Variants in FGF12 observed in about 807,000 individuals in gnomAD.
The protein encoded by FGF12 is fibroblast growth factor 12, also known as fibroblast growth factor 12B.
In FGF12, 14 loss-of-function variants were observed where a neutral mutation model predicts 23.6. The observed-to-expected ratio is 0.59, with a 90% CI of 0.39 to 0.93. The LOEUF (loss-of-function observed/expected upper bound fraction) is 0.93. FGF12 is among the 40% of genes least tolerant of loss of function. The probability of loss-of-function intolerance (pLI) is 0.00; values close to 1 mark genes in which losing one functional copy is unlikely to be tolerated. For missense variants in FGF12, 175 were observed against 217.8 expected (o/e 0.80, Z 1.24); for synonymous variants, 62 against 77.3 (o/e 0.80, Z 1.04).
At chr3:192,567,793 CTTTCTTTCTCTT>C (rs1268577831) in intron 2 of FGF12, among the ~76,000 whole-genome samples, 21 of 129,646 alleles carry the variant, frequency 1.6e-4, no homozygotes, top group African/African-American at 4.2e-4. Context: ...TTCTTTCTTT[CTTTCTTTCTCTT>C]TCTTTCTTTC....
At chr3:192,509,025 G>C (rs1302204099) in intron 2 of FGF12, among the ~76,000 whole-genome samples, 1 of 151,562 alleles carries the variant, frequency 6.6e-6, no homozygotes, top group African/African-American at 2.4e-5. Flanking sequence ...AGTCTCTATT[G>C]CCTGAAACAG....
chr3:192,398,706 T>G lies in FGF12; in HGVS notation c.14-38168A>C, dbSNP rs771588069. Among the ~76,000 whole-genome samples, 104 of 152,256 alleles carry G rather than the reference T, an allele frequency of 6.8e-4. 2 individuals are homozygous for G. Among genetic ancestry groups the G allele is most frequent in the South Asian group, 2.1e-4 (1 of 4,828 alleles). On this transcript the variant is annotated intron_variant, in intron 2 of 5. Coordinates refer to ENST00000445105, the MANE Select transcript of FGF12 (RefSeq NM_004113.6). ...TTCTTATATATAGCTCCCTTGTTTT[T>G]CAAAGACAGAAACTGAGGTCCATTT...
Position 192,216,495 on chromosome 3 carries a change from T to A in FGF12, c.229-45839A>T, listed in dbSNP as rs142784606. On this transcript the variant is annotated intron_variant, in intron 4 of 5. Coordinates refer to ENST00000445105, the MANE Select transcript of FGF12 (RefSeq NM_004113.6). Reference sequence around the variant, plus strand: ...CAAATGAAATACATATCATAAAATTTGTATGTGCTAAAAAACTTGGTTTCC... The same window carrying A: ...CAAATGAAATACATATCATAAAATTAGTATGTGCTAAAAAACTTGGTTTCC... 6.9e-4 allele frequency among the ~76,000 whole-genome samples: 105 copies of A among 152,364 alleles called. No individual in the cohort carries two copies. The East Asian group carries it at 0.015, about 22-fold the overall frequency.
At chr3:192,659,344 G>C (rs1716566080) in intron 2 of FGF12, among the ~76,000 whole-genome samples, 1 of 152,058 alleles carries the variant, frequency 6.6e-6, no homozygotes, top group Non-Finnish European at 1.5e-5. Flanking sequence ...CAGTTTTTCA[G>C]CACCCAGGAG....
chr3:192,390,596 T>C (rs1720248353), intron 2 of FGF12, among the ~76,000 whole-genome samples: 1 of 152,142 alleles, frequency 6.6e-6, no homozygotes, highest in African/African-American at 2.4e-5. Flanking sequence ...GAAGAAAAGG[T>C]TATATGAAAC....
chr3:192,521,728 A>G (rs1724818148), intron 2 of FGF12, among the ~76,000 whole-genome samples: 1 of 152,082 alleles, frequency 6.6e-6, no homozygotes, highest in Admixed American at 6.5e-5. Context: ...CAAAGCAGTC[A>G]CAGCTTCCTC....
chr3:192,455,836 A>G (rs1722665583), intron 2 of FGF12, among the ~76,000 whole-genome samples: 1 of 152,216 alleles, frequency 6.6e-6, no homozygotes, highest in South Asian at 2.1e-4. Flanking sequence ...CCATGATACC[A>G]AATGTCAACA....
At chr3:192,219,632 C>G (rs1232733640) in intron 4 of FGF12, among the ~76,000 whole-genome samples, 1 of 150,784 alleles carries the variant, frequency 6.6e-6, no homozygotes, top group Non-Finnish European at 1.5e-5. Context: ...ACCAACATCA[C>G]CTGGGAATAT....
At chr3:192,315,547 C>T (rs773050126) in intron 4 of FGF12, among the ~76,000 whole-genome samples, 13 of 151,874 alleles carry the variant, frequency 8.6e-5, no homozygotes, top group East Asian at 1.9e-4. Flanking sequence ...GAGATAGTTC[C>T]GAGAAGGAAA....
intron 2 of FGF12, among the ~76,000 whole-genome samples, chr3:192,618,562 C>A (rs548716774): frequency 2.0e-5 from 3 of 152,182 alleles, no homozygotes; most frequent in South Asian, 2.1e-4. Flanking sequence ...ATAAATTTGA[C>A]CGATTTCTCC....
chr3:192,706,190 AT>A (rs1282305085), intron 2 of FGF12, among the ~76,000 whole-genome samples: 2 of 152,210 alleles, frequency 1.3e-5, no homozygotes, highest in African/African-American at 4.8e-5. Flanking sequence ...GAAATTATAT[AT>A]TCAAAATATG....
At chr3:192,585,291 A>AGGATATAAG (rs1161918154) in intron 2 of FGF12, among the ~76,000 whole-genome samples, 8 of 152,192 alleles carry the variant, frequency 5.3e-5, no homozygotes, top group African/African-American at 1.9e-4. Context: ...TGGAAGCAAC[A>AGGATATAAG]GGATATAACC....
intron 4 of FGF12, among the ~76,000 whole-genome samples, chr3:192,186,383 T>TA (rs1182576150): frequency 1.3e-5 from 2 of 152,238 alleles, no homozygotes; most frequent in Non-Finnish European, 1.5e-5. Context: ...CATAAAGCCT[T>TA]AGACAAATGC....
At chr3:192,650,881 AT>A (rs1435672162) in intron 2 of FGF12, among the ~76,000 whole-genome samples, 2 of 152,260 alleles carry the variant, frequency 1.3e-5, no homozygotes, top group Non-Finnish European at 2.9e-5. Context: ...TACTTGAAAA[AT>A]ATGAATAACA....
chr3:192,406,443 C>T lies in FGF12; in HGVS notation c.14-45905G>A, dbSNP rs368490192. ...TCAGAACCTTGAAGTCCTCTGTAGA[C>T]CACATAAGCCCTAAGAAAAGAAGGC... On this transcript the variant is annotated intron_variant, in intron 2 of 5. Transcript: ENST00000445105. Among the ~76,000 whole-genome samples the T allele has an allele frequency of 1.1e-4, 17 of 152,160 alleles. No homozygotes were observed. The East Asian group carries it at 2.5e-3, about 23-fold the overall frequency.
chr3:192,571,786 A>G (rs1365373060), intron 2 of FGF12, among the ~76,000 whole-genome samples: 6 of 152,064 alleles, frequency 3.9e-5, no homozygotes, highest in African/African-American at 1.2e-4. Flanking sequence ...CACATCACCA[A>G]CTTCCTCAGC....
chr3:192,173,296 T>G (rs1193256518), intron 4 of FGF12, among the ~76,000 whole-genome samples: 1 of 150,592 alleles, frequency 6.6e-6, no homozygotes, highest in African/African-American at 2.4e-5. Context: ...AATTGATATC[T>G]CAATGAAAAA....
At chr3:192,321,494 TC>T in intron 4 of FGF12, among the ~76,000 whole-genome samples, 1 of 115,464 alleles carries the variant, frequency 8.7e-6, no homozygotes, top group African/African-American at 3.4e-5. Context: ...ATAAAGACAT[TC>T]AAAAAAAAAA....
intron 4 of FGF12, among the ~76,000 whole-genome samples, chr3:192,232,016 C>A (rs78241325): frequency 0.027 from 4,099 of 152,170 alleles, 187 homozygotes; most frequent in African/African-American, 0.094. Context: ...TAATTCTTAA[C>A]GAATATTCAT....
Sources: allele counts gnomAD v4.1 joint callset (sites outside exome capture counted in the v4.1 genomes callset), GRCh38; gene constraint gnomAD v4.1.1; transcripts MANE v1.5; gene names NCBI Gene and HGNC (gene_info 2026-07-23, HGNC 2026-07-21).